Variants in SLC25A48 observed in about 807,000 individuals in gnomAD.
SLC25A48 encodes solute carrier family 25 member 48.
SLC25A48 carries 29 observed loss-of-function variants against 32.2 expected under a neutral mutation model. The observed-to-expected ratio is 0.90, with a 90% CI of 0.67 to 1.23. The LOEUF (loss-of-function observed/expected upper bound fraction) is 1.23, where lower values mean the gene tolerates loss of function less well. SLC25A48 is among the 50% of genes most tolerant of loss of function. The probability of loss-of-function intolerance (pLI) is 0.00; values close to 1 mark genes in which losing one functional copy is unlikely to be tolerated. For synonymous variants in SLC25A48, 164 were observed against 172.3 expected (o/e 0.95, Z 0.38); for missense variants, 399 against 422.7 (o/e 0.94, Z 0.49).
chr5:135,880,848 T>C (rs1762416198), intron 7 of SLC25A48, among the ~76,000 whole-genome samples: 1 of 152,114 alleles, frequency 6.6e-6, no homozygotes, highest in South Asian at 2.1e-4. Flanking sequence ...CTTCACCAGC[T>C]CTTTGCCATC....
intron 3 of SLC25A48, among the ~76,000 whole-genome samples, chr5:135,747,813 C>T (rs1322772972): frequency 1.3e-5 from 2 of 152,232 alleles, no homozygotes; most frequent in Non-Finnish European, 2.9e-5. Context: ...TTTGTGCTTT[C>T]GTGTGAATTA....
chr5:135,682,402 C>T (rs1439591888), intron 3 of SLC25A48, among the ~76,000 whole-genome samples: 1 of 152,130 alleles, frequency 6.6e-6, no homozygotes, highest in Non-Finnish European at 1.5e-5. Context: ...TACTTTTCAA[C>T]CTGGCCAAGG....
chr5:135,593,663 G>C (rs749549998), intron 1 of SLC25A48, among the ~76,000 whole-genome samples: 1 of 151,846 alleles, frequency 6.6e-6, no homozygotes. Context: ...ATTTCTGTGA[G>C]AACCTGACAT....
At chr5:135,691,551 C>T (rs527962352) in intron 3 of SLC25A48, among the ~76,000 whole-genome samples, 2 of 152,276 alleles carry the variant, frequency 1.3e-5, no homozygotes, top group East Asian at 3.9e-4. Flanking sequence ...GACACCATCC[C>T]CACTTGCCCA....
At chr5:135,728,885 TAC>T (rs1307470314) in intron 3 of SLC25A48, among the ~76,000 whole-genome samples, 1 of 105,832 alleles carries the variant, frequency 9.4e-6, no homozygotes, top group Non-Finnish European at 1.9e-5. Context: ...CACACACACA[TAC>T]ACACACACCC....
At chr5:135,839,795 C>T (rs1319250008) in intron 1 of SLC25A48, among the ~76,000 whole-genome samples, 1 of 152,102 alleles carries the variant, frequency 6.6e-6, no homozygotes, top group Non-Finnish European at 1.5e-5. Context: ...GGCGAGTTTT[C>T]CTGTGCTGTT....
intron 1 of SLC25A48, among the ~76,000 whole-genome samples, chr5:135,600,844 G>C (rs1444864180): frequency 8.5e-6 from 1 of 117,116 alleles, no homozygotes; most frequent in African/African-American, 3.5e-5. Flanking sequence ...CACCATGCCC[G>C]GGTATTTTTT....
At chr5:135,671,434 G>C (rs770260382) in intron 3 of SLC25A48, among the ~76,000 whole-genome samples, 3 of 152,188 alleles carry the variant, frequency 2.0e-5, no homozygotes, top group Non-Finnish European at 2.9e-5. Context: ...TTGGGGTACA[G>C]ACCAGATAAG....
chr5:135,733,608 C>T (rs1020804225), intron 3 of SLC25A48, among the ~76,000 whole-genome samples: 11 of 152,266 alleles, frequency 7.2e-5, no homozygotes, highest in Non-Finnish European at 1.5e-4. Flanking sequence ...GCGGCAGCCG[C>T]CACATGCAGA....
intron 3 of SLC25A48, among the ~76,000 whole-genome samples, chr5:135,794,072 T>C (rs1476727933): frequency 6.6e-6 from 1 of 151,952 alleles, no homozygotes; most frequent in Non-Finnish European, 1.5e-5. Flanking sequence ...TCCCTTGTAA[T>C]ATTGTTCCAA....
At position 135,629,597 on chromosome 5, in the gene SLC25A48, C is replaced by T. The variant is rs548558101; in HGVS notation, c.-709+221C>T. Among the ~76,000 whole-genome samples, 20 of 152,178 alleles carry T rather than the reference C, an allele frequency of 1.3e-4. No individual in the cohort carries two copies. Among genetic ancestry groups the T allele is most frequent in the Admixed American group, 3.3e-4 (5 of 15,292 alleles). On this transcript the variant is annotated intron_variant, in intron 2 of 10. Transcript: ENST00000646290. This position sits in a 1 kb window ranked among gnomAD's most constrained non-coding sequence, Gnocchi z 4.8. ...AGTAAGAGATGGAAGGGAAAGAAGC[C>T]GATAAAAGATGTGTTAGCCAGCAGG...
chr5:135,804,083 C>T (rs370700753), intron 3 of SLC25A48, among the ~76,000 whole-genome samples: 14 of 151,650 alleles, frequency 9.2e-5, no homozygotes, highest in African/African-American at 2.9e-4. Context: ...GATCTCCACA[C>T]ATGATGTACA....
chr5:135,875,144 CTGAGT>C (rs1761949794), intron 6 of SLC25A48: 1 of 154,840 alleles, frequency 6.5e-6, no homozygotes. Flanking sequence ...CCCTGGAGCT[CTGAGT>C]CTTTTCTCAC....
chr5:135,819,337 A>G (rs1270929329), intron 4 of SLC25A48, among the ~76,000 whole-genome samples: 1 of 152,186 alleles, frequency 6.6e-6, no homozygotes, highest in African/African-American at 2.4e-5. Flanking sequence ...AAAGAAAAAC[A>G]TCTTCAAAAC....
intron 1 of SLC25A48, among the ~76,000 whole-genome samples, chr5:135,615,600 G>A (rs1752167850): frequency 6.6e-6 from 1 of 152,194 alleles, no homozygotes; most frequent in Non-Finnish European, 1.5e-5. Flanking sequence ...ATTTAAAAGG[G>A]AAGCAGAGGG....
At chr5:135,862,553 A>G (rs1760881840) in intron 4 of SLC25A48, among the ~76,000 whole-genome samples, 1 of 152,200 alleles carries the variant, frequency 6.6e-6, no homozygotes, top group Non-Finnish European at 1.5e-5. Flanking sequence ...GGGTGTCCAC[A>G]GTCTAGTGGG....
At position 135,874,156 on chromosome 5, in the gene SLC25A48, T is replaced by A; in HGVS notation, c.813+2T>A. Reference sequence around the variant, plus strand: ...AGTTACCAGAAGGAAGGTCTTAAAGTAAGCCCACAGCAGGCCTGCGGGGTC... The same window carrying A: ...AGTTACCAGAAGGAAGGTCTTAAAGAAAGCCCACAGCAGGCCTGCGGGGTC... On this transcript the variant is annotated splice_donor_variant, in intron 6 of 7. Transcript: ENST00000681962. LOFTEE classifies it high-confidence loss of function. 2 of 1,452,220 alleles carry A rather than the reference T, an allele frequency of 1.4e-6. No homozygotes were observed. The highest frequency in any genetic ancestry group is 2.9e-5 in the South Asian group (2 of 68,358). 90.0% of individuals were successfully genotyped at this position (1,452,220 alleles called of 1,614,324 possible). A position where few individuals can be genotyped will look rare whatever the true frequency, so the allele number is the denominator to read the frequency against.
intron 1 of SLC25A48, among the ~76,000 whole-genome samples, chr5:135,621,785 T>C (rs1752331324): frequency 6.6e-6 from 1 of 152,160 alleles, no homozygotes; most frequent in Non-Finnish European, 1.5e-5. Context: ...AAAATTTAGG[T>C]TCCCAAGCTC....
At chr5:135,648,629 A>C (rs1753028443) in intron 3 of SLC25A48, 2 of 152,224 alleles carry the variant, frequency 1.3e-5, no homozygotes, top group African/African-American at 2.4e-5. Flanking sequence ...CTCTAGCTTA[A>C]GGGCCTACCA....
Sources: allele counts gnomAD v4.1 joint callset (sites outside exome capture counted in the v4.1 genomes callset), GRCh38; gene constraint gnomAD v4.1.1; non-coding constraint Gnocchi (gnomAD v3.1); transcripts MANE v1.5; gene names NCBI Gene and HGNC (gene_info 2026-07-23, HGNC 2026-07-21).